SESN1: variants seen among roughly 807,000 people sequenced by gnomAD.
The protein encoded by SESN1 is sestrin 1, also known as sestrin-1.
SESN1 carries 30 observed loss-of-function variants against 59.3 expected under a neutral mutation model. The ratio of observed to expected loss-of-function variants is 0.51; its 90% CI spans 0.38 to 0.69. SESN1 has a LOEUF of 0.69. SESN1 is among the 30% of genes least tolerant of loss of function. SESN1 has a pLI of 0.00. For synonymous variants in SESN1, 197 were observed against 219.9 expected (o/e 0.90, Z 0.92); for missense variants, 566 against 673.0 (o/e 0.84, Z 1.76).
intron 1 of SESN1, among the ~76,000 whole-genome samples, chr6:109,054,096 G>A (rs1028520309): frequency 1.3e-5 from 2 of 151,578 alleles, no homozygotes; most frequent in African/African-American, 4.9e-5. Flanking sequence ...GGGGGGGAGG[G>A]ATCTGGGAAA....
chr6:109,023,045 C>T (rs1780036703), intron 1 of SESN1, among the ~76,000 whole-genome samples: 1 of 152,220 alleles, frequency 6.6e-6, no homozygotes, highest in African/African-American at 2.4e-5. Context: ...GCTCACTCCA[C>T]CCTCTGTGAC....
intron 1 of SESN1, among the ~76,000 whole-genome samples, chr6:109,069,349 AAAG>A (rs1185112201): frequency 6.6e-6 from 1 of 152,196 alleles, no homozygotes; most frequent in African/African-American, 2.4e-5. Context: ...TTCCATGCTA[AAAG>A]AATAAGAATG....
rs1427909952 is a variant in SESN1, at chr6:109,093,782, T to C, written c.279+13A>G. The C allele has an allele frequency of 1.2e-6, 2 of 1,607,718 alleles. No homozygotes were observed. Among genetic ancestry groups the C allele is most frequent in the Non-Finnish European group, 1.7e-6 (2 of 1,175,722 alleles). On this transcript the variant is annotated intron_variant, in intron 1 of 9. Coordinates refer to ENST00000436639, the MANE Select transcript of SESN1 (RefSeq NM_014454.3). ...AGTAGAGACATAGTTGTATTTAAAA[T>C]GCTCTTCCTTACCTGGATGCTCTTC...
At chr6:109,026,053 T>TA (rs1562462825) in intron 1 of SESN1, among the ~76,000 whole-genome samples, 1 of 151,894 alleles carries the variant, frequency 6.6e-6, no homozygotes, top group African/African-American at 2.4e-5. Flanking sequence ...AAAGAGATCT[T>TA]AAAGTCCATG....
At chr6:108,993,677 G>T (rs1779440306) in intron 6 of SESN1, among the ~76,000 whole-genome samples, 1 of 152,010 alleles carries the variant, frequency 6.6e-6, no homozygotes, top group Admixed American at 6.6e-5. Flanking sequence ...ATAGATAAAG[G>T]TTAAACATAG....
At chr6:109,062,294 G>A (rs1014181007) in intron 1 of SESN1, among the ~76,000 whole-genome samples, 1 of 152,266 alleles carries the variant, frequency 6.6e-6, no homozygotes, top group African/African-American at 2.4e-5. Context: ...TGTCCAGGTA[G>A]AGGAGAAAGC....
chr6:109,001,879 T>C (rs188546241), intron 2 of SESN1, among the ~76,000 whole-genome samples: 21 of 152,304 alleles, frequency 1.4e-4, no homozygotes, highest in East Asian at 5.8e-4. Flanking sequence ...ACACTTCTTA[T>C]GAAAATAAAG....
intron 5 of SESN1, among the ~76,000 whole-genome samples, chr6:108,995,083 C>A (rs1197488106): frequency 2.0e-5 from 3 of 151,764 alleles, no homozygotes; most frequent in African/African-American, 7.3e-5. Context: ...ACTACTTTGG[C>A]CTATTAGGAA....
At chr6:109,046,081 A>G (rs1183644768) in intron 1 of SESN1, among the ~76,000 whole-genome samples, 2 of 151,864 alleles carry the variant, frequency 1.3e-5, no homozygotes, top group Non-Finnish European at 2.9e-5. Context: ...ATCTAATGCA[A>G]TAAGATAATG....
At position 109,008,370 on chromosome 6, in the gene SESN1, T is replaced by C. The variant is rs577545928; in HGVS notation, c.280-6027A>G. 3.3e-5 allele frequency among the ~76,000 whole-genome samples: 5 copies of C among 152,368 alleles called. 1 individual carries two copies. In the South Asian group the frequency reaches 1.0e-3, roughly 32 times the overall value. On this transcript the variant is annotated intron_variant, in intron 1 of 9. Coordinates refer to ENST00000436639, the MANE Select transcript of SESN1 (RefSeq NM_014454.3). ...TGGTAAAGTTTCCAAAGCGATACTGTAAGAGATTTTTAAAGATTGTTTTAT... is the reference window on the plus strand; with the variant it reads ...TGGTAAAGTTTCCAAAGCGATACTGCAAGAGATTTTTAAAGATTGTTTTAT...
At chr6:109,093,121 A>G (rs1207149867) in intron 1 of SESN1, among the ~76,000 whole-genome samples, 1 of 152,172 alleles carries the variant, frequency 6.6e-6, no homozygotes, top group Admixed American at 6.5e-5. Context: ...TGGAGGAAAA[A>G]CTATAATATT....
chr6:109,088,638 C>T (rs558843522), intron 1 of SESN1, among the ~76,000 whole-genome samples: 3 of 152,236 alleles, frequency 2.0e-5, no homozygotes, highest in African/African-American at 7.2e-5. Flanking sequence ...ACCAAATGAC[C>T]ATTCTTGGAA....
intron 1 of SESN1, among the ~76,000 whole-genome samples, chr6:109,082,547 GTCTCT>G (rs1231323872): frequency 1.3e-5 from 2 of 152,094 alleles, no homozygotes; most frequent in Non-Finnish European, 2.9e-5. Flanking sequence ...TTGGCCATGG[GTCTCT>G]CCATGTGCAC....
In SESN1 at chr6:108,990,878, G is replaced by A. The variant is rs779253784; in HGVS notation, c.1234-43C>T. 1.5e-5 allele frequency: 23 copies of A among 1,538,710 alleles called. No individual in the cohort carries two copies. In the South Asian group the frequency reaches 2.5e-4, roughly 17 times the overall value. On this transcript the variant is annotated intron_variant, in intron 7 of 9. Coordinates refer to ENST00000436639, the MANE Select transcript of SESN1 (RefSeq NM_014454.3). ...AACAAATGTGAATAAATGTGGTCAA[G>A]TACAGTTCTATATCTATAGCTCTGT...
At position 109,093,284 on chromosome 6, in the gene SESN1, CTTCTT is replaced by C. The variant is rs1420176872; in HGVS notation, c.279+506_279+510del. Among the ~76,000 whole-genome samples, 19 of 152,192 alleles carry C rather than the reference CTTCTT, an allele frequency of 1.2e-4. No individual in the cohort carries two copies. In the East Asian group the frequency reaches 3.1e-3, roughly 25 times the overall value. On this transcript the variant is annotated intron_variant, in intron 1 of 9. Coordinates refer to ENST00000436639, the MANE Select transcript of SESN1 (RefSeq NM_014454.3). The stretch of plus-strand genomic sequence containing the variant: ...CACCTTTTCAACATGAAGATATTAG[CTTCTT>C]TTAAGATAGGTTTTTATTATTTTAT...
chr6:109,000,387 G>GA (rs1160171822), intron 4 of SESN1, 104 bp downstream of exon 4: 3 of 852,296 alleles, frequency 3.5e-6, no homozygotes, highest in Non-Finnish European at 5.1e-6. Context: ...TCAGGGGGTA[G>GA]AAAATAGGAA....
intron 8 of SESN1, 40 bp from the exon 9 acceptor site, chr6:108,988,727 T>C (rs1055462941): frequency 6.7e-7 from 1 of 1,502,586 alleles, no homozygotes; most frequent in Non-Finnish European, 9.0e-7. Flanking sequence ...ATTTTCAGTG[T>C]ATAACCTGTT....
intron 1 of SESN1, among the ~76,000 whole-genome samples, chr6:109,062,523 A>T (rs1462512539): frequency 6.6e-6 from 1 of 152,208 alleles, no homozygotes; most frequent in African/African-American, 2.4e-5. Flanking sequence ...ATGATAAATT[A>T]TGTGAGGCCA....
At chr6:109,032,862 A>T (rs1205891984) in intron 1 of SESN1, among the ~76,000 whole-genome samples, 1 of 152,050 alleles carries the variant, frequency 6.6e-6, no homozygotes, top group Non-Finnish European at 1.5e-5. Context: ...GTAGTTTTTT[A>T]AAAAACAATT....
Sources: gnomAD v4.1 joint callset for allele counts (sites outside exome capture counted in the v4.1 genomes callset) on GRCh38, gnomAD v4.1.1 for gene constraint, MANE v1.5 for transcripts, NCBI Gene and HGNC (gene_info 2026-07-23, HGNC 2026-07-21) for gene names.